The following VPS13D variants were observed in gnomAD, a reference collection of about 807,000 sequenced individuals.
VPS13D encodes vacuolar protein sorting 13 homolog D, also known as intermembrane lipid transfer protein VPS13D.
A neutral mutation model predicts 461.9 loss-of-function variants in VPS13D; 187 were observed. The ratio of observed to expected loss-of-function variants is 0.40; its 90% confidence interval spans 0.36 to 0.46. The LOEUF (loss-of-function observed/expected upper bound fraction) is 0.46. Ranked by LOEUF, VPS13D falls within the 20% of genes least tolerant of loss-of-function variation. The pLI, the probability that VPS13D is intolerant of heterozygous loss-of-function variation, is 0.60. For missense variants in VPS13D, 4,711 were observed against 5,364.9 expected, an observed-to-expected ratio of 0.88 and a Z score of 3.81; for synonymous variants, 1,951 against 1,986.3, an observed-to-expected ratio of 0.98 and a Z score of 0.47.
chr1:12,269,568 T>A (rs1181442089), intron 16 of VPS13D, among the ~76,000 whole-genome samples: 1 of 152,226 alleles, frequency 6.6e-6, no homozygotes, highest in Non-Finnish European at 1.5e-5. Flanking sequence ...GATGACAGGA[T>A]CAGTGGTCTC....
At chr1:12,388,201 TATAAAG>T (rs1412693514) in intron 60 of VPS13D, among the ~76,000 whole-genome samples, 5 of 152,196 alleles carry the variant, frequency 3.3e-5, no homozygotes, top group Non-Finnish European at 2.9e-5. Context: ...AATGTAGAAT[TATAAAG>T]ATAAACAGCA....
intron 67 of VPS13D, among the ~76,000 whole-genome samples, chr1:12,496,793 C>T (rs553198811): frequency 7.2e-5 from 11 of 152,320 alleles, no homozygotes; most frequent in South Asian, 2.1e-4. Flanking sequence ...CAGATTCCTC[C>T]GGGCCGCCGA....
chr1:12,441,931 C>T (rs946623516), intron 65 of VPS13D, among the ~76,000 whole-genome samples: 2 of 151,954 alleles, frequency 1.3e-5, no homozygotes, highest in Non-Finnish European at 1.5e-5. Context: ...GTCCTTATAC[C>T]ACTTTATCTC....
At chr1:12,312,700 A>C (rs1642788229) in intron 29 of VPS13D, among the ~76,000 whole-genome samples, 1 of 152,228 alleles carries the variant, frequency 6.6e-6, no homozygotes, top group Non-Finnish European at 1.5e-5. Context: ...TTGAGGCTGC[A>C]GTGAGCCATG....
At position 12,283,132 on chromosome 1, in the gene VPS13D, T is replaced by G. The variant is rs1641840897; in HGVS notation, c.5030T>G (p.Leu1677Trp). Residue 1677 changes from leucine (L) to tryptophan (W), a missense_variant, in exon 21 of 70, where the codon TTG becomes TGG. Leu to Trp is a moderately conservative substitution (Grantham distance 61). This residue lies in a region of VPS13D where 4,411 missense variants were observed against 4,937.8 expected (regional missense o/e 0.89). Transcript: ENST00000620676. The part of the protein sequence containing the change: ...ALHSLLMEDL[L>W]EKNPDSKYKN... ...CATTCTCTGCTGATGGAGGACTTATTGGAGAAGAATCCAGATTCTAAATAT... is the reference window on the plus strand; with the variant it reads ...CATTCTCTGCTGATGGAGGACTTATGGGAGAAGAATCCAGATTCTAAATAT... 1 of 1,614,054 alleles carries G rather than the reference T, an allele frequency of 6.2e-7. No individual in the cohort carries two copies. Among genetic ancestry groups the G allele is most frequent in the African/African-American group, 1.3e-5 (1 of 74,918 alleles).
rs564469622 is a variant in VPS13D, at chr1:12,253,217, GTTA to G, written c.565-500_565-498del. On this transcript the variant is annotated intron_variant, in intron 6 of 69. Transcript: ENST00000620676. ...TTTACATAGCATTTATGTTGTATTA[GTTA>G]TTATAAGTAATCTAGAGATGATTTA... Among the ~76,000 whole-genome samples the G allele has an allele frequency of 2.1e-3, 315 of 152,096 alleles. 2 individuals carry two copies. Among genetic ancestry groups the G allele is most frequent in the African/African-American group, 7.4e-3 (306 of 41,508 alleles).
intron 46 of VPS13D, among the ~76,000 whole-genome samples, 194 bp downstream of exon 46, chr1:12,349,568 T>G (rs1462893324): frequency 6.6e-6 from 1 of 152,152 alleles, no homozygotes; most frequent in Non-Finnish European, 1.5e-5. Flanking sequence ...CTGGGGAGGC[T>G]TTATTACATG....
intron 67 of VPS13D, among the ~76,000 whole-genome samples, chr1:12,469,511 C>T (rs1412078907): frequency 2.0e-5 from 3 of 152,212 alleles, no homozygotes; most frequent in Admixed American, 6.5e-5. Context: ...AGCCAACAAA[C>T]GTACCTGGTT....
chr1:12,423,221 T>A (rs1461762932), intron 65 of VPS13D, among the ~76,000 whole-genome samples: 1 of 152,190 alleles, frequency 6.6e-6, no homozygotes, highest in East Asian at 1.9e-4. Flanking sequence ...ATGAAGAAAC[T>A]GAGGCCCAGA....
Position 12,322,709 on chromosome 1 carries a change from C to A in VPS13D, c.7878C>A (p.Ile2626=). 6.2e-7 allele frequency: 1 copy of A among 1,614,178 alleles called. No individual in the cohort carries two copies. Among genetic ancestry groups the A allele is most frequent in the Non-Finnish European group, 8.5e-7 (1 of 1,180,024 alleles). Residue 2626 remains isoleucine, a synonymous_variant, in exon 34 of 70, where the codon ATC becomes ATA. Coordinates refer to ENST00000620676, the MANE Select transcript of VPS13D (RefSeq NM_015378.4). Reference sequence around the variant, plus strand: ...GTGCATCTCGCGTTGGAGAGGAAATCAGAGAAGGGACAAGACACACCTTAG... The same window carrying A: ...GTGCATCTCGCGTTGGAGAGGAAATAAGAGAAGGGACAAGACACACCTTAG... The part of the protein sequence containing the change: ...LPGASRVGEE[I]REGTRHTLDP...
intron 18 of VPS13D, 80 bp downstream of exon 18, chr1:12,273,215 T>C (rs1370062565): frequency 6.7e-7 from 1 of 1,482,342 alleles, no homozygotes; most frequent in Non-Finnish European, 9.0e-7. Context: ...TAAAGCTTAA[T>C]AAAATGTTTA....
intron 65 of VPS13D, among the ~76,000 whole-genome samples, chr1:12,436,852 G>A (rs1293239107): frequency 6.6e-6 from 1 of 152,034 alleles, no homozygotes; most frequent in East Asian, 1.9e-4. Flanking sequence ...ATTTTTAGTA[G>A]AGACAGGGTT....
chr1:12,507,910 G>A lies in VPS13D; in HGVS notation c.13035+817G>A, dbSNP rs746797853. Among the ~76,000 whole-genome samples the A allele has an allele frequency of 6.6e-6, 1 of 152,242 alleles. No homozygotes were observed. Among genetic ancestry groups the A allele is most frequent in the Non-Finnish European group, 1.5e-5 (1 of 68,042 alleles). ...TCACCCGGCATACCCGGATTTTGAA[G>A]CTTGCATTCAAGAATGATACATTAA... On this transcript the variant is annotated intron_variant, in intron 69 of 69. Coordinates refer to ENST00000620676, the MANE Select transcript of VPS13D (RefSeq NM_015378.4). The surrounding 1 kb of genome is among the most constrained non-coding windows in gnomAD (Gnocchi z 5.3).
intron 54 of VPS13D, among the ~76,000 whole-genome samples, chr1:12,373,060 A>C: frequency 6.8e-6 from 1 of 146,184 alleles, no homozygotes; most frequent in South Asian, 2.2e-4. Flanking sequence ...TGGCAGAGTA[A>C]AGCTAATTTT....
rs1223014637 is a variant in VPS13D, at chr1:12,396,017, A to G, written c.11635-4164A>G. Among the ~76,000 whole-genome samples the G allele has an allele frequency of 8.8e-5, 12 of 136,990 alleles. 1 individual carries two copies. The highest frequency in any genetic ancestry group is 3.2e-4 in the African/African-American group (11 of 34,796). The allele number at this position is 136,990 out of a possible 152,430, so 89.9% of individuals were successfully genotyped here. On this transcript the variant is annotated intron_variant, in intron 60 of 69. Coordinates refer to ENST00000620676, the MANE Select transcript of VPS13D (RefSeq NM_015378.4). Reference sequence around the variant, plus strand: ...AGGAGATATATATATATATATATATATATATATATATAGTTCTTTAAGATC... The same window carrying G: ...AGGAGATATATATATATATATATATGTATATATATATAGTTCTTTAAGATC...
intron 29 of VPS13D, among the ~76,000 whole-genome samples, chr1:12,313,550 C>T (rs1642813667): frequency 1.3e-5 from 2 of 151,696 alleles, no homozygotes; most frequent in Admixed American, 6.6e-5. Flanking sequence ...ATAATGGTAC[C>T]GAGTAATTAT....
intron 65 of VPS13D, among the ~76,000 whole-genome samples, chr1:12,443,551 C>T (rs965589954): frequency 1.3e-5 from 2 of 152,030 alleles, no homozygotes; most frequent in African/African-American, 4.8e-5. Context: ...TTTTTTCTTG[C>T]TTCCCAGGCA....
chr1:12,453,683 C>T (rs961146060), intron 65 of VPS13D, among the ~76,000 whole-genome samples: 22 of 152,168 alleles, frequency 1.4e-4, no homozygotes, highest in Admixed American at 3.9e-4. Context: ...TTCCTGCTGA[C>T]TGTTTTGTGT....
chr1:12,489,879 G>A (rs758069660), intron 67 of VPS13D, among the ~76,000 whole-genome samples: 12 of 152,210 alleles, frequency 7.9e-5, no homozygotes, highest in Non-Finnish European at 1.3e-4. Flanking sequence ...TAATTTGCCT[G>A]TGGTTACAGT....
Sources: gnomAD v4.1 joint callset for allele counts (sites outside exome capture counted in the v4.1 genomes callset) on GRCh38, gnomAD v4.1.1 for gene constraint, gnomAD v4.1.1 regional missense constraint, Gnocchi (gnomAD v3.1) non-coding constraint, MANE v1.5 for transcripts, NCBI Gene and HGNC (gene_info 2026-07-23, HGNC 2026-07-21) for gene names.